Variants in SYT1 observed in about 807,000 individuals in gnomAD.
The protein encoded by SYT1 is synaptotagmin 1.
A neutral mutation model predicts 44.8 loss-of-function variants in SYT1; 8 were observed. That is an observed-to-expected ratio of 0.18 (90% CI 0.10 to 0.32). The LOEUF (loss-of-function observed/expected upper bound fraction) is 0.32. SYT1 is among the 10% of genes least tolerant of loss of function. The probability of loss-of-function intolerance (pLI) is 1.00; values close to 1 mark genes in which losing one functional copy is unlikely to be tolerated. For missense variants in SYT1, 286 were observed against 509.3 expected (o/e 0.56, Z 4.22); for synonymous variants, 154 against 188.8 (o/e 0.82, Z 1.51).
chr12:78,929,231 G>A (rs61929213), intron 1 of SYT1, among the ~76,000 whole-genome samples: 1,817 of 150,842 alleles, frequency 0.012, 18 homozygotes, highest in Non-Finnish European at 0.019. Context: ...GTGAAACTCC[G>A]CCTCTACTAG....
intron 2 of SYT1, among the ~76,000 whole-genome samples, chr12:79,037,676 C>A (rs1019505654): frequency 6.6e-6 from 1 of 151,804 alleles, no homozygotes; most frequent in South Asian, 2.1e-4. Flanking sequence ...TGGCCTTCTA[C>A]CTTCATTTCC....
intron 4 of SYT1, among the ~76,000 whole-genome samples, chr12:79,217,894 G>A: frequency 1.3e-5 from 1 of 75,512 alleles, no homozygotes. Flanking sequence ...TGAAAATCCA[G>A]TTTACAAAAA....
intron 2 of SYT1, among the ~76,000 whole-genome samples, chr12:79,017,743 T>A (rs970983453): frequency 6.6e-6 from 1 of 152,074 alleles, no homozygotes; most frequent in African/African-American, 2.4e-5. Flanking sequence ...TGTTGAAGAT[T>A]TTTGACCAGA....
At chr12:79,390,797 T>C (rs1884628261) in intron 9 of SYT1, among the ~76,000 whole-genome samples, 1 of 152,230 alleles carries the variant, frequency 6.6e-6, no homozygotes, top group African/African-American at 2.4e-5. Context: ...TCCCATTGGC[T>C]TAATTTTCAT....
At chr12:79,292,187 G>A in intron 6 of SYT1, 57 bp downstream of exon 6, 1 of 1,573,402 alleles carries the variant, frequency 6.4e-7, no homozygotes. Flanking sequence ...TTACCAAGTA[G>A]AAATTGCAGC....
In SYT1 at chr12:79,334,396, A is replaced by C. The variant is rs145305107; in HGVS notation, c.811-19106A>C. 4.7e-4 allele frequency among the ~76,000 whole-genome samples: 72 copies of C among 152,168 alleles called. 1 individual carries two copies. The highest frequency in any genetic ancestry group is 1.9e-4 in the East Asian group (1 of 5,188). ...TACGGCACAATATTGCAAGTGCTATACTGAGGGTTTGGGAAGGTGTTACAG... is the reference window on the plus strand; with the variant it reads ...TACGGCACAATATTGCAAGTGCTATCCTGAGGGTTTGGGAAGGTGTTACAG... On this transcript the variant is annotated intron_variant, in intron 8 of 10. Transcript: ENST00000261205.
intron 8 of SYT1, among the ~76,000 whole-genome samples, chr12:79,319,024 GTAC>G (rs1881230662): frequency 6.6e-6 from 1 of 152,174 alleles, no homozygotes; most frequent in Non-Finnish European, 1.5e-5. Flanking sequence ...GAGGAGAGAT[GTAC>G]GCCTCTTTTC....
intron 3 of SYT1, among the ~76,000 whole-genome samples, chr12:79,185,110 C>T (rs549858190): frequency 1.1e-4 from 16 of 152,010 alleles, no homozygotes; most frequent in Non-Finnish European, 2.2e-4. Flanking sequence ...CTCAGGAGCA[C>T]TAGTTATGCT....
intron 1 of SYT1, among the ~76,000 whole-genome samples, chr12:78,936,317 T>C (rs979823337): frequency 2.6e-5 from 4 of 152,190 alleles, no homozygotes; most frequent in Non-Finnish European, 5.9e-5. Flanking sequence ...AGTTTCCTGG[T>C]AACTTGAACA....
At chr12:79,320,698 T>C (rs1011580639) in intron 8 of SYT1, among the ~76,000 whole-genome samples, 2 of 145,088 alleles carry the variant, frequency 1.4e-5, no homozygotes, top group Admixed American at 1.4e-4. Context: ...CTCAGCTCAC[T>C]GCAACCTCCG....
chr12:79,006,536 T>C (rs1871097200), intron 2 of SYT1, among the ~76,000 whole-genome samples: 2 of 150,952 alleles, frequency 1.3e-5, no homozygotes, highest in Admixed American at 6.6e-5. Context: ...TTCTTATCTT[T>C]TGGCAGTCAG....
chr12:79,312,865 T>C (rs1443781682), intron 8 of SYT1, among the ~76,000 whole-genome samples: 1 of 151,732 alleles, frequency 6.6e-6, no homozygotes, highest in Non-Finnish European at 1.5e-5. Context: ...GAGTCACTTA[T>C]AAAGTCATGT....
chr12:79,098,067 C>G (rs1878242691), intron 3 of SYT1, among the ~76,000 whole-genome samples: 1 of 152,026 alleles, frequency 6.6e-6, no homozygotes, highest in South Asian at 2.1e-4. Context: ...TCTCAGCCAC[C>G]ATTTAATGAG....
At chr12:79,120,126 C>G (rs1187291142) in intron 3 of SYT1, among the ~76,000 whole-genome samples, 1 of 152,042 alleles carries the variant, frequency 6.6e-6, no homozygotes, top group East Asian at 1.9e-4. Flanking sequence ...AAGAAATGGG[C>G]CTGTGCTTAG....
chr12:79,243,317 G>T (rs1876625692), intron 4 of SYT1, among the ~76,000 whole-genome samples: 1 of 152,020 alleles, frequency 6.6e-6, no homozygotes, highest in African/African-American at 2.4e-5. Context: ...TTCTTAAATT[G>T]CCCTAGCACA....
chr12:79,449,346 T>C lies in SYT1; in HGVS notation c.*222T>C. The C allele has an allele frequency of 3.6e-6, 2 of 552,364 alleles. No individual in the cohort carries two copies. The highest frequency in any genetic ancestry group is 6.5e-6 in the Non-Finnish European group (2 of 308,990). The allele number at this position is 552,364 out of a possible 1,614,324, so 34.2% of individuals were successfully genotyped here. A position where few individuals can be genotyped will look rare whatever the true frequency, so the allele number is the denominator to read the frequency against. ...CCAAATCTACTCTTCTTTTAAGCAA[T>C]ATGATGTGTAGATAGAGCATGAATG... On this transcript the variant is annotated 3_prime_UTR_variant, in exon 11 of 11. Transcript: ENST00000261205.
At chr12:79,322,840 T>G (rs892490409) in intron 8 of SYT1, among the ~76,000 whole-genome samples, 1 of 152,178 alleles carries the variant, frequency 6.6e-6, no homozygotes, top group Non-Finnish European at 1.5e-5. Flanking sequence ...AAGAAAGACA[T>G]TCAAATGTGG....
chr12:79,317,268 T>TA, intron 8 of SYT1, among the ~76,000 whole-genome samples: 1 of 152,298 alleles, frequency 6.6e-6, no homozygotes, highest in Middle Eastern at 3.4e-3. Flanking sequence ...GAATGACCCC[T>TA]AAGCTTTTTT....
At chr12:79,143,666 T>C (rs1869703058) in intron 3 of SYT1, among the ~76,000 whole-genome samples, 1 of 152,204 alleles carries the variant, frequency 6.6e-6, no homozygotes, top group South Asian at 2.1e-4. Context: ...ATCCTCAAAT[T>C]CCTTAAAACA....
Sources: allele counts gnomAD v4.1 joint callset (sites outside exome capture counted in the v4.1 genomes callset), GRCh38; gene constraint gnomAD v4.1.1; transcripts MANE v1.5; gene names NCBI Gene and HGNC (gene_info 2026-07-23, HGNC 2026-07-21).